Variants in PPFIA1 observed in about 807,000 individuals in gnomAD.
The protein encoded by PPFIA1 is PPFI scaffold protein A1, also known as liprin-alpha-1.
Under a neutral mutation model 149.9 loss-of-function variants are expected in PPFIA1, and 25 were observed. The ratio of observed to expected loss-of-function variants is 0.17; its 90% CI spans 0.12 to 0.23. The LOEUF is 0.23. PPFIA1 is among the 10% of genes least tolerant of loss of function. The probability of loss-of-function intolerance (pLI) is 1.00; values close to 1 mark genes in which losing one functional copy is unlikely to be tolerated. For missense variants in PPFIA1, 1,362 were observed against 1,506.5 expected (o/e 0.90, Z 1.59); for synonymous variants, 549 against 552.8 (o/e 0.99, Z 0.10).
At chr11:70,355,594 A>G in intron 17 of PPFIA1, 45 bp from the exon 18 acceptor site, 5 of 1,541,184 alleles carry the variant, frequency 3.2e-6, no homozygotes, top group Non-Finnish European at 4.4e-6. Flanking sequence ...TATGTGAAGT[A>G]TCCTACAAGG....
At position 70,338,379 on chromosome 11, in the gene PPFIA1, G is replaced by C. The variant is rs758032676; in HGVS notation, c.1497G>C (p.Gln499His). 3 of 1,611,622 alleles carry C rather than the reference G, an allele frequency of 1.9e-6. No individual in the cohort carries two copies. Among genetic ancestry groups the C allele is most frequent in the Non-Finnish European group, 2.5e-6 (3 of 1,177,988 alleles). Reference sequence around the variant, plus strand: ...AGTCTTTTGCTTTTCTGTAGGATCAGCTTGTCCTAAACATTGAAGCACTGA... The same window carrying C: ...AGTCTTTTGCTTTTCTGTAGGATCACCTTGTCCTAAACATTGAAGCACTGA... ...QLEETQHDKD[Q>H]LVLNIEALRA... The change falls in exon 13 of 28, where the codon CAG becomes CAC. Residue 499 changes from glutamine (Q) to histidine (H), a missense_variant. Around this residue, in one of 7 missense-constraint regions of PPFIA1, gnomAD observed 733 missense variants for 744.1 expected, o/e 0.99. Transcript: ENST00000253925.
At chr11:70,367,091 A>C (rs2056980011) in intron 21 of PPFIA1, among the ~76,000 whole-genome samples, 1 of 152,240 alleles carries the variant, frequency 6.6e-6, no homozygotes, top group African/African-American at 2.4e-5. Context: ...TTAATACTTC[A>C]GTATGAAATT....
chr11:70,310,721 T>G (rs765904018), intron 2 of PPFIA1, among the ~76,000 whole-genome samples: 43 of 152,132 alleles, frequency 2.8e-4, no homozygotes, highest in Non-Finnish European at 2.5e-4. Flanking sequence ...GCTTTTTTCC[T>G]CTTTTTCTCT....
At chr11:70,362,054 C>A (rs2056682901) in intron 19 of PPFIA1, 41 bp from the exon 20 acceptor site, 3 of 1,583,608 alleles carry the variant, frequency 1.9e-6, no homozygotes, top group Middle Eastern at 1.9e-4. Flanking sequence ...AGCTACCATG[C>A]CTGGCTGATT....
chr11:70,324,864 G>A lies in PPFIA1; in HGVS notation c.384G>A (p.Leu128=). 1 of 1,588,126 alleles carries A rather than the reference G, an allele frequency of 6.3e-7. No homozygotes were observed. Among genetic ancestry groups the A allele is most frequent in the Non-Finnish European group, 8.6e-7 (1 of 1,169,548 alleles). Residue 128 remains leucine, a synonymous_variant, in exon 4 of 28, where the codon TTG becomes TTA. Coordinates refer to ENST00000253925, the MANE Select transcript of PPFIA1 (RefSeq NM_003626.5). ...RNNTRLLLEH[L]ECLVSRHERS... is the part of the protein sequence containing the mutation. ...TATTTCAGCTGCTGTTAGAGCATTT[G>A]GAATGCCTTGTCTCCAGGCATGAGC...
At chr11:70,343,246 G>T (rs117571245) in intron 14 of PPFIA1, among the ~76,000 whole-genome samples, 117 of 152,242 alleles carry the variant, frequency 7.7e-4, no homozygotes, top group Non-Finnish European at 1.4e-3. Flanking sequence ...CACGCCTGGC[G>T]TGTATCACCT....
At chr11:70,299,529 T>C (rs554840478) in intron 2 of PPFIA1, among the ~76,000 whole-genome samples, 1 of 152,292 alleles carries the variant, frequency 6.6e-6, no homozygotes, top group Admixed American at 6.5e-5. Context: ...CCTCGGCCCC[T>C]CCAGCAGCCT....
intron 2 of PPFIA1, among the ~76,000 whole-genome samples, chr11:70,322,785 G>A (rs1180436245): frequency 6.6e-6 from 1 of 152,180 alleles, no homozygotes. Flanking sequence ...AAGCAGTTCA[G>A]TGAATGCTAG....
intron 21 of PPFIA1, chr11:70,371,954 TAC>T (rs1359288692): frequency 2.5e-5 from 7 of 279,546 alleles, no homozygotes; most frequent in Non-Finnish European, 4.0e-5. Flanking sequence ...TATAGCCAGT[TAC>T]AGTTTTTTTG....
chr11:70,334,815 C>T (rs2054876039), intron 10 of PPFIA1, among the ~76,000 whole-genome samples: 1 of 152,364 alleles, frequency 6.6e-6, no homozygotes, highest in African/African-American at 2.4e-5. Context: ...GCCATTGCCT[C>T]CTGCCTGGGA....
chr11:70,335,753 A>ATCTGCCCCTGAGCAG, intron 11 of PPFIA1, 59 bp downstream of exon 11: 1 of 1,594,262 alleles, frequency 6.3e-7, no homozygotes, highest in Non-Finnish European at 8.6e-7. Context: ...AAGATTGCTC[A>ATCTGCCCCTGAGCAG]TCTGCCCCTG....
At position 70,362,276 on chromosome 11, in the gene PPFIA1, T is replaced by C; in HGVS notation, c.2665-12T>C. On this transcript the variant is annotated splice_polypyrimidine_tract_variant and intron_variant, in intron 20 of 27. Coordinates refer to ENST00000253925, the MANE Select transcript of PPFIA1 (RefSeq NM_003626.5). ...CTCACTGTGCTGCCTTCCTTCCGCT[T>C]TCCGCCTCCAGCTCTGGGTTGGGAT... 6.2e-7 allele frequency: 1 copy of C among 1,614,068 alleles called. No individual in the cohort carries two copies. Among genetic ancestry groups the C allele is most frequent in the African/African-American group, 1.3e-5 (1 of 75,058 alleles).
chr11:70,327,154 A>C, intron 7 of PPFIA1: 2 of 244,468 alleles, frequency 8.2e-6, no homozygotes, highest in South Asian at 1.1e-4. Flanking sequence ...TCATCTGTGC[A>C]ATTTCTAGGC....
At chr11:70,333,169 A>T in intron 9 of PPFIA1, 1 of 511,182 alleles carries the variant, frequency 2.0e-6, no homozygotes. Flanking sequence ...AACCAGAAGC[A>T]GTCCAAGGAT....
chr11:70,352,193 A>C (rs2056092607), intron 16 of PPFIA1, among the ~76,000 whole-genome samples: 1 of 152,104 alleles, frequency 6.6e-6, no homozygotes, highest in Non-Finnish European at 1.5e-5. Context: ...TTGGGTTCAG[A>C]TCCTAGTTCA....
chr11:70,277,706 G>A (rs1591021947), intron 2 of PPFIA1, among the ~76,000 whole-genome samples: 1 of 152,176 alleles, frequency 6.6e-6, no homozygotes, highest in South Asian at 2.1e-4. Context: ...GGCCAGGCTG[G>A]TCTCAAGCTC....
Position 70,355,621 on chromosome 11 carries a change from C to T in PPFIA1, c.2316-18C>T, listed in dbSNP as rs755192120. ...CCTACAAGGGCACATAGTAAAGATC[C>T]GTTTTCTTTCCTCGAAGCTCCACAG... On this transcript the variant is annotated intron_variant, in intron 17 of 27. Coordinates refer to ENST00000253925, the MANE Select transcript of PPFIA1 (RefSeq NM_003626.5). 48 of 1,583,270 alleles carry T rather than the reference C, an allele frequency of 3.0e-5. No individual in the cohort carries two copies. The highest frequency in any genetic ancestry group is 1.5e-4 in the Admixed American group (8 of 51,732).
intron 15 of PPFIA1, chr11:70,345,900 A>C (rs1441886115): frequency 2.9e-6 from 1 of 346,058 alleles, no homozygotes; most frequent in African/African-American, 2.2e-5. Flanking sequence ...AGGTCCCGTC[A>C]CACAGTGGCC....
rs766578290 is a variant in PPFIA1 at position 70,355,715 on chromosome 11, C to T, written c.2392C>T (p.Pro798Ser). The change falls in exon 18 of 28, where the codon CCA (proline) becomes TCA (serine). Residue 798 changes from proline to serine, a missense_variant. By Grantham distance (74) the Pro-to-Ser change is moderately conservative. Transcript: ENST00000253925. ...NSSQDSLHKAPKKKGIKSSIG... is the reference protein window; with the variant it reads ...NSSQDSLHKASKKKGIKSSIG... ...TAGCCAGGACTCGCTCCACAAAGCC[C>T]CAAAGAAGAAAGGCATTAAGTCCTC... The T allele has an allele frequency of 1.2e-6, 2 of 1,614,136 alleles. No individual in the cohort carries two copies. The highest frequency in any genetic ancestry group is 8.5e-7 in the Non-Finnish European group (1 of 1,180,028).
Sources: gnomAD v4.1 joint callset for allele counts (sites outside exome capture counted in the v4.1 genomes callset) on GRCh38, gnomAD v4.1.1 for gene constraint, gnomAD v4.1.1 regional missense constraint, MANE v1.5 for transcripts, NCBI Gene and HGNC (gene_info 2026-07-23, HGNC 2026-07-21) for gene names.